PSMA6: variants seen among roughly 807,000 people sequenced by gnomAD.
PSMA6 encodes the protein proteasome 20S subunit alpha 6.
For missense variants in PSMA6, 170 were observed against 294.8 expected (o/e 0.58, Z 3.10); for synonymous variants, 88 against 97.7 (o/e 0.90, Z 0.59).
At chr14:35,292,608 C>G (rs2051506453) in intron 1 of PSMA6, 56 bp downstream of exon 1, 1 of 1,590,228 alleles carries the variant, frequency 6.3e-7, no homozygotes, top group African/African-American at 1.4e-5. Context: ...ATGGTACGTG[C>G]CTGGAGCGAG....
chr14:35,283,986 C>G (rs1445966359), intron 1 of PSMA6, among the ~76,000 whole-genome samples: 1 of 152,086 alleles, frequency 6.6e-6, no homozygotes, highest in Non-Finnish European at 1.5e-5. Context: ...GGCTGATGTC[C>G]CCAATGACAG....
intron 1 of PSMA6, among the ~76,000 whole-genome samples, chr14:35,296,856 A>G (rs2051599165): frequency 6.6e-6 from 1 of 152,178 alleles, no homozygotes; most frequent in African/African-American, 2.4e-5. Context: ...ACATACATAC[A>G]TGTGCATATC....
In PSMA6 at chr14:35,292,387, C is replaced by A; in HGVS notation, c.-90C>A. 6.5e-7 allele frequency: 1 copy of A among 1,541,460 alleles called. No individual in the cohort carries two copies. Among genetic ancestry groups the A allele is most frequent in the Non-Finnish European group, 8.7e-7 (1 of 1,144,844 alleles). ...AGAAACGCGGCTGGTACCCCGGAAG[C>A]AGTCGCTGCAACTTCCGGGAGGTGC... On this transcript the variant is annotated 5_prime_UTR_variant, in exon 1 of 7. Coordinates refer to ENST00000261479, the MANE Select transcript of PSMA6 (RefSeq NM_002791.3).
upstream of PSMA6, among the ~76,000 whole-genome samples, chr14:35,287,983 C>T (rs1186798334): frequency 1.3e-5 from 2 of 152,216 alleles, no homozygotes; most frequent in Non-Finnish European, 2.9e-5. Context: ...CAGAGGAATT[C>T]ATTTAGCTAT....
At chr14:35,279,940 C>T (rs796699682) in intron 1 of PSMA6, among the ~76,000 whole-genome samples, 102 of 150,292 alleles carry the variant, frequency 6.8e-4, no homozygotes, top group African/African-American at 2.3e-3. Flanking sequence ...CTGGCTAACA[C>T]GGTGAAACCC....
At chr14:35,301,519 A>C (rs938111597) in intron 1 of PSMA6, among the ~76,000 whole-genome samples, 4 of 149,720 alleles carry the variant, frequency 2.7e-5, no homozygotes, top group African/African-American at 9.8e-5. Flanking sequence ...AAAAAAAAAA[A>C]CTTTAAAATC....
intron 1 of PSMA6, among the ~76,000 whole-genome samples, chr14:35,279,469 G>T (rs983542943): frequency 4.6e-5 from 7 of 152,218 alleles, no homozygotes; most frequent in African/African-American, 1.7e-4. Context: ...TGCTACTCAA[G>T]GCTTGCTTTG....
At chr14:35,284,396 G>A (rs182368809) in intron 1 of PSMA6, among the ~76,000 whole-genome samples, 35 of 152,128 alleles carry the variant, frequency 2.3e-4, no homozygotes, top group Admixed American at 4.6e-4. Context: ...CCTTTGGCCC[G>A]TGAGCATATA....
At chr14:35,308,546 C>G (rs1252844342) in intron 2 of PSMA6, 1 of 203,950 alleles carries the variant, frequency 4.9e-6, no homozygotes, top group Non-Finnish European at 9.9e-6. Flanking sequence ...CAAGAAGTGT[C>G]TATTGAACGT....
rs1426911596 is a variant in PSMA6, at chr14:35,282,846, C to T, written c.19+4128C>T. Among the ~76,000 whole-genome samples, 4 of 151,562 alleles carry T rather than the reference C, an allele frequency of 2.6e-5. No homozygotes were observed. In the South Asian group the frequency reaches 6.3e-4, roughly 24 times the overall value. On this transcript the variant is annotated intron_variant, in intron 1 of 6. Transcript: ENST00000540871. ...CTCCAGCCTGGGCAACAGAGTGAGA[C>T]CCACACAGCCTGGGCAACAGAGTGA...
chr14:35,279,366 A>C lies in PSMA6; in HGVS notation c.19+648A>C, dbSNP rs536768044. On this transcript the variant is annotated intron_variant, in intron 1 of 6. Coordinates refer to the PSMA6 transcript ENST00000540871. The stretch of plus-strand genomic sequence containing the variant: ...TCGGCCTCATGTATTCTAATAATTA[A>C]TAATGTAAATTCATAAAAAGGGGCA... Among the ~76,000 whole-genome samples, 8 of 152,242 alleles carry C rather than the reference A, an allele frequency of 5.3e-5. No individual in the cohort carries two copies. The East Asian group carries it at 1.4e-3, about 26-fold the overall frequency.
At chr14:35,311,899 A>G (rs1365183038) in intron 4 of PSMA6, among the ~76,000 whole-genome samples, 3 of 152,176 alleles carry the variant, frequency 2.0e-5, no homozygotes, top group Admixed American at 2.0e-4. Context: ...AGTGTGTCCC[A>G]TACACTGTTC....
At chr14:35,288,063 T>G (rs897383091), upstream of PSMA6, among the ~76,000 whole-genome samples, 1 of 152,248 alleles carries the variant, frequency 6.6e-6, no homozygotes, top group Non-Finnish European at 1.5e-5. Flanking sequence ...ATCTCTCATT[T>G]ACTGACAAAT....
chr14:35,288,217 G>A (rs2051441187), upstream of PSMA6, among the ~76,000 whole-genome samples: 1 of 152,242 alleles, frequency 6.6e-6, no homozygotes, highest in South Asian at 2.1e-4. Context: ...GATGTGGCTA[G>A]TTGGGCATGG....
At chr14:35,315,625 G>A (rs2052029753) in intron 6 of PSMA6, 1 of 151,678 alleles carries the variant, frequency 6.6e-6, no homozygotes, top group Non-Finnish European at 1.5e-5. Flanking sequence ...TCTTCCCGTA[G>A]GAAGAAGTCT....
At chr14:35,279,639 C>T (rs2051343730) in intron 1 of PSMA6, among the ~76,000 whole-genome samples, 2 of 152,140 alleles carry the variant, frequency 1.3e-5, no homozygotes, top group Non-Finnish European at 2.9e-5. Context: ...ATCTCCAACT[C>T]CTAAAGAAAT....
At chr14:35,305,542 C>G (rs1450396956) in intron 1 of PSMA6, among the ~76,000 whole-genome samples, 1 of 152,204 alleles carries the variant, frequency 6.6e-6, no homozygotes, top group East Asian at 1.9e-4. Context: ...ATTACAGTTT[C>G]TATTAAAAGA....
At chr14:35,288,219 T>C (rs2051441243), upstream of PSMA6, among the ~76,000 whole-genome samples, 1 of 152,200 alleles carries the variant, frequency 6.6e-6, no homozygotes, top group South Asian at 2.1e-4. Flanking sequence ...TGTGGCTAGT[T>C]GGGCATGGTG....
intron 1 of PSMA6, among the ~76,000 whole-genome samples, chr14:35,298,239 C>T (rs2051636438): frequency 6.6e-6 from 1 of 152,120 alleles, no homozygotes; most frequent in African/African-American, 2.4e-5. Flanking sequence ...CCTGTAATCC[C>T]AGCACTTTGG....
Sources: gnomAD v4.1 joint callset for allele counts (sites outside exome capture counted in the v4.1 genomes callset) on GRCh38, gnomAD v4.1.1 for gene constraint, MANE v1.5 for transcripts, NCBI Gene and HGNC (gene_info 2026-07-23, HGNC 2026-07-21) for gene names.